The following LRRC7 variants were observed in gnomAD, a reference collection of about 807,000 sequenced individuals.
LRRC7 encodes leucine-rich repeat-containing protein 7.
LRRC7 carries 23 observed loss-of-function variants against 175.7 expected under a neutral mutation model. That is an observed-to-expected ratio of 0.13 (90% confidence interval 0.09 to 0.19). LRRC7 has a LOEUF of 0.19. Ranked by LOEUF, LRRC7 falls within the 10% of genes least tolerant of loss-of-function variation. LRRC7 has a pLI of 1.00. For missense variants in LRRC7, 1,354 were observed against 1,904.7 expected (o/e 0.71, Z 5.38); for synonymous variants, 685 against 680.9 (o/e 1.01, Z -0.09).
chr1:69,887,711 C>G (rs1645685694), intron 7 of LRRC7, among the ~76,000 whole-genome samples: 2 of 150,858 alleles, frequency 1.3e-5, no homozygotes, highest in African/African-American at 4.9e-5. Flanking sequence ...TTAGAGTTTC[C>G]AGTTTTTCTG....
intron 7 of LRRC7, among the ~76,000 whole-genome samples, chr1:69,916,785 C>T (rs905863828): frequency 9.2e-5 from 14 of 151,934 alleles, no homozygotes; most frequent in African/African-American, 2.9e-4. Flanking sequence ...AAGTTACTTG[C>T]GCTCACGGAC....
Position 70,076,086 on chromosome 1 carries a change from C to A in LRRC7, c.4240C>A (p.His1414Asn). 6.2e-7 allele frequency: 1 copy of A among 1,613,472 alleles called. No homozygotes were observed. Among genetic ancestry groups the A allele is most frequent in the African/African-American group, 1.3e-5 (1 of 75,010 alleles). ...PDTITKKAGS[H>N]IQTLMGSQSL... ...ATTATCTTCTCCACAGGCAGGCAGC[C>A]ACATCCAGACGTTGATGGGGTCCCA... Residue 1414 changes from histidine to asparagine, a missense_variant, in exon 24 of 27, where the codon CAC becomes AAC. This residue lies in a region of LRRC7 where 1,032 missense variants were observed against 1,227.2 expected (regional missense o/e 0.84). Transcript: ENST00000651989.
intron 23 of LRRC7, among the ~76,000 whole-genome samples, chr1:70,071,531 T>G (rs1214212144): frequency 6.6e-6 from 1 of 152,076 alleles, no homozygotes; most frequent in Admixed American, 6.5e-5. Context: ...GAGTAGAAAG[T>G]AATAGGACTG....
chr1:69,891,980 GA>G (rs34833474), intron 7 of LRRC7, among the ~76,000 whole-genome samples: 2 of 150,644 alleles, frequency 1.3e-5, no homozygotes, highest in African/African-American at 2.4e-5. Context: ...CACAAAAAAA[GA>G]AAAAAAAAGT....
At chr1:69,621,316 G>C (rs1650556425) in intron 1 of LRRC7, among the ~76,000 whole-genome samples, 1 of 151,980 alleles carries the variant, frequency 6.6e-6, no homozygotes, top group Admixed American at 6.6e-5. Context: ...AAAGTGCTGG[G>C]GTAATAGGAG....
intron 3 of LRRC7, among the ~76,000 whole-genome samples, chr1:69,782,066 G>A (rs1673827680): frequency 6.6e-6 from 1 of 152,104 alleles, no homozygotes; most frequent in Non-Finnish European, 1.5e-5. Flanking sequence ...GTTACCTCCT[G>A]AGATTTCTCA....
At chr1:69,620,308 T>C (rs1273730877) in intron 1 of LRRC7, among the ~76,000 whole-genome samples, 1 of 152,158 alleles carries the variant, frequency 6.6e-6, no homozygotes, top group Non-Finnish European at 1.5e-5. Flanking sequence ...AGTAAATATA[T>C]TAGATATAAT....
chr1:70,029,563 T>C (rs1317703406), intron 18 of LRRC7, among the ~76,000 whole-genome samples: 1 of 152,174 alleles, frequency 6.6e-6, no homozygotes, highest in African/African-American at 2.4e-5. Context: ...ACTTTTTCCT[T>C]TCCAAAATAT....
chr1:70,034,242 T>C (rs1250488291), intron 18 of LRRC7, among the ~76,000 whole-genome samples: 1 of 152,164 alleles, frequency 6.6e-6, no homozygotes, highest in Non-Finnish European at 1.5e-5. Flanking sequence ...ACCTTAAAAC[T>C]GTCATACATT....
At chr1:69,718,672 T>C (rs1197131044) in intron 2 of LRRC7, among the ~76,000 whole-genome samples, 1 of 151,794 alleles carries the variant, frequency 6.6e-6, no homozygotes, top group African/African-American at 2.4e-5. Context: ...ATCATCAATA[T>C]TCAGTCATCA....
intron 24 of LRRC7, among the ~76,000 whole-genome samples, chr1:70,082,798 T>TTTTTTTTTTTTTTTTTTTTTTG (rs1663315271): frequency 8.7e-6 from 1 of 114,288 alleles, no homozygotes; most frequent in Non-Finnish European, 1.8e-5. Flanking sequence ...TTTTTTTTTT[T>TTTTTTTTTTTTTTTTTTTTTTG]TTTTTTTTTT....
chr1:69,891,980 GAAA>G (rs34833474), intron 7 of LRRC7, among the ~76,000 whole-genome samples: 61,945 of 150,558 alleles, frequency 0.41, 13,448 homozygotes, highest in East Asian at 0.55. Flanking sequence ...CACAAAAAAA[GAAA>G]AAAAAAGTGA....
At chr1:69,580,784 C>A (rs1463781999) in intron 1 of LRRC7, among the ~76,000 whole-genome samples, 9 of 151,874 alleles carry the variant, frequency 5.9e-5, no homozygotes, top group African/African-American at 1.7e-4. Context: ...TATAGACAGA[C>A]CTTAAATAAA....
chr1:70,134,719 AATAT>A lies in LRRC7; in HGVS notation c.*12833_*12836del, dbSNP rs1666798590. ...TTCAATTTAACCTTCTTTGGGGGTT[AATAT>A]TTTGTAAGTTCTTTCTGACCTCAAG... On this transcript the variant is annotated 3_prime_UTR_variant, in exon 27 of 27. Coordinates refer to ENST00000651989, the MANE Select transcript of LRRC7 (RefSeq NM_001370785.2). Among the ~76,000 whole-genome samples the A allele has an allele frequency of 6.6e-6, 1 of 152,200 alleles. No homozygotes were observed. Among genetic ancestry groups the A allele is most frequent in the Non-Finnish European group, 1.5e-5 (1 of 68,030 alleles).
rs1034543709 is a variant in LRRC7 at position 70,130,552 on chromosome 1, C to G, written c.*8665C>G. Among the ~76,000 whole-genome samples the G allele has an allele frequency of 6.6e-6, 1 of 152,138 alleles. No individual in the cohort carries two copies. The highest frequency in any genetic ancestry group is 1.5e-5 in the Non-Finnish European group (1 of 68,020). ...GCATTTTTTCTAAGACATTTTTGGTCTTTTCTGCTGTGTTTCAGCAGTTAC... is the reference window on the plus strand; with the variant it reads ...GCATTTTTTCTAAGACATTTTTGGTGTTTTCTGCTGTGTTTCAGCAGTTAC... On this transcript the variant is annotated 3_prime_UTR_variant, in exon 27 of 27. Transcript: ENST00000651989.
At chr1:69,797,867 A>ACATT (rs1440840706) in intron 4 of LRRC7, among the ~76,000 whole-genome samples, 5 of 152,104 alleles carry the variant, frequency 3.3e-5, no homozygotes, top group African/African-American at 1.2e-4. Flanking sequence ...ATTAACTCCT[A>ACATT]CATTCCATCT....
intron 7 of LRRC7, among the ~76,000 whole-genome samples, chr1:69,875,681 G>A (rs562379437): frequency 2.6e-5 from 4 of 151,702 alleles, no homozygotes; most frequent in East Asian, 3.9e-4. Context: ...TATCTGTGAC[G>A]TTTCATATAT....
chr1:69,596,032 T>G (rs1323218220), intron 1 of LRRC7, among the ~76,000 whole-genome samples: 5 of 128,918 alleles, frequency 3.9e-5, no homozygotes, highest in Admixed American at 2.3e-4. Flanking sequence ...GAATCTTTTA[T>G]GCAATTATCC....
chr1:69,879,476 C>T lies in LRRC7; in HGVS notation c.647+41193C>T, dbSNP rs543466697. The T allele has an allele frequency of 3.9e-5, 6 of 152,306 alleles. No individual in the cohort carries two copies. In the East Asian group the frequency reaches 9.7e-4, roughly 25 times the overall value. 9.4% of individuals were successfully genotyped at this position (152,306 alleles called of 1,614,324 possible). On this transcript the variant is annotated intron_variant, in intron 7 of 26. Coordinates refer to ENST00000651989, the MANE Select transcript of LRRC7 (RefSeq NM_001370785.2). Reference sequence around the variant, plus strand: ...CTCGAGAAACCACATCTCCAAACCCCTAGGAGTGGGAAGTGGTCCTGCCAA... The same window carrying T: ...CTCGAGAAACCACATCTCCAAACCCTTAGGAGTGGGAAGTGGTCCTGCCAA...
Sources: allele counts gnomAD v4.1 joint callset (sites outside exome capture counted in the v4.1 genomes callset), GRCh38; gene constraint gnomAD v4.1.1; regional missense constraint gnomAD v4.1.1; transcripts MANE v1.5; gene names NCBI Gene and HGNC (gene_info 2026-07-23, HGNC 2026-07-21).